PTPRT: variants seen among roughly 807,000 people sequenced by gnomAD.
PTPRT encodes protein tyrosine phosphatase receptor type T, also known as receptor-type tyrosine-protein phosphatase T.
Under a neutral mutation model 176.8 loss-of-function variants are expected in PTPRT, and 56 were observed. The observed-to-expected ratio is 0.32, with a 90% confidence interval of 0.26 to 0.40. The LOEUF (loss-of-function observed/expected upper bound fraction) is 0.40, where lower values mean the gene tolerates loss of function less well. Among genes scored for constraint, PTPRT ranks in the 10% least tolerant of loss-of-function variants. The pLI is 1.00. For missense variants in PTPRT, 1,540 were observed against 1,908.2 expected (o/e 0.81, Z 3.60); for synonymous variants, 783 against 739.0 (o/e 1.06, Z -0.96).
chr20:42,987,390 T>C (rs1002947040), intron 1 of PTPRT, among the ~76,000 whole-genome samples: 4 of 152,204 alleles, frequency 2.6e-5, no homozygotes, highest in African/African-American at 4.8e-5. Context: ...GTGGCTATGG[T>C]GGTCGGCAGT....
chr20:42,996,326 A>G (rs1984220439), intron 1 of PTPRT, among the ~76,000 whole-genome samples: 1 of 152,234 alleles, frequency 6.6e-6, no homozygotes, highest in South Asian at 2.1e-4. Context: ...GGCTCACTCC[A>G]AGCAGTTACA....
rs566160401 is a variant in PTPRT, at chr20:42,461,997, T to C, written c.1450+10269A>G. Among the ~76,000 whole-genome samples the C allele has an allele frequency of 2.1e-5, 3 of 143,566 alleles. No homozygotes were observed. The East Asian group carries it at 5.8e-4, about 28-fold the overall frequency. The allele number at this position is 143,566 out of a possible 152,430, so 94.2% of individuals were successfully genotyped here. A position where few individuals can be genotyped will look rare whatever the true frequency, so the allele number is the denominator to read the frequency against. On this transcript the variant is annotated intron_variant, in intron 8 of 30. Transcript: ENST00000373187. ...GGGGACAATTGCTGGAGCAATGACA[T>C]TGAGTTAAAAAAAAAAAAGTAAGTG...
At chr20:42,303,924 T>G (rs978036194) in intron 12 of PTPRT, among the ~76,000 whole-genome samples, 3 of 152,110 alleles carry the variant, frequency 2.0e-5, no homozygotes, top group Admixed American at 6.6e-5. Context: ...AGGAGATGAA[T>G]GAATCATTGC....
intron 5 of PTPRT, among the ~76,000 whole-genome samples, chr20:42,765,875 T>C (rs2076976111): frequency 6.6e-6 from 1 of 152,208 alleles, no homozygotes; most frequent in Non-Finnish European, 1.5e-5. Context: ...CAGTCTCTTT[T>C]GCTGAAAATT....
intron 6 of PTPRT, among the ~76,000 whole-genome samples, chr20:42,716,672 T>C (rs1368860186): frequency 2.0e-5 from 3 of 152,178 alleles, no homozygotes; most frequent in Non-Finnish European, 4.4e-5. Context: ...GATGAGTACA[T>C]TGCAAAAATT....
chr20:42,884,157 T>C (rs764189770), intron 2 of PTPRT, among the ~76,000 whole-genome samples: 10 of 152,084 alleles, frequency 6.6e-5, no homozygotes, highest in Non-Finnish European at 1.0e-4. Flanking sequence ...GTCAGCATGA[T>C]TGGGCAACAG....
intron 1 of PTPRT, among the ~76,000 whole-genome samples, chr20:43,111,161 C>T (rs1394369510): frequency 2.0e-5 from 3 of 152,080 alleles, no homozygotes; most frequent in African/African-American, 4.8e-5. Flanking sequence ...TGAGACCCTC[C>T]GTGTAGTCTG....
At chr20:42,519,468 A>G (rs1040141198) in intron 7 of PTPRT, among the ~76,000 whole-genome samples, 3 of 152,156 alleles carry the variant, frequency 2.0e-5, no homozygotes, top group Non-Finnish European at 4.4e-5. Context: ...CACAAAATAT[A>G]TAGTAGCTTT....
intron 1 of PTPRT, among the ~76,000 whole-genome samples, chr20:43,073,797 C>T (rs1053650105): frequency 5.9e-5 from 9 of 151,950 alleles, no homozygotes; most frequent in African/African-American, 1.7e-4. Flanking sequence ...CTGTTGCCTA[C>T]GCTGGAGTGC....
In PTPRT at chr20:42,756,567, C is replaced by T; in HGVS notation, c.754G>A (p.Val252Ile). Residue 252 changes from valine (V) to isoleucine (I), a missense_variant, in exon 6 of 31, where the codon GTC becomes ATC. Physicochemically the swap from Val to Ile is conservative, Grantham distance 29. Around this residue, in one of 11 missense-constraint regions of PTPRT, gnomAD observed 273 missense variants for 432.1 expected, o/e 0.63. Transcript: ENST00000373187. ...CGCTGGGCAGTGTCTGCCACACTGA[C>T]TGTGGCTGAGAAGCGCCTGTGGTTG... The part of the protein sequence containing the change: ...VVNHRRFSAT[V>I]SVADTAQRSV... The T allele has an allele frequency of 6.2e-7, 1 of 1,612,894 alleles. No homozygotes were observed. The highest frequency in any genetic ancestry group is 2.2e-5 in the East Asian group (1 of 44,846).
Position 43,106,666 on chromosome 20 carries a change from GAAAA to G in PTPRT, c.88+82976_88+82979del, listed in dbSNP as rs71193676. On this transcript the variant is annotated intron_variant, in intron 1 of 30. Coordinates refer to ENST00000373187, the MANE Select transcript of PTPRT (RefSeq NM_007050.6). ...ACAGCGAGACTCCATCTCAAAAAAAGAAAAAAAAAAAAAAAAAAAAGGAATGAAG... is the reference window on the plus strand; with the variant it reads ...ACAGCGAGACTCCATCTCAAAAAAAGAAAAAAAAAAAAAAAAGGAATGAAG... 5.7e-3 allele frequency among the ~76,000 whole-genome samples: 499 copies of G among 87,002 alleles called. 5 individuals carry two copies. Among genetic ancestry groups the G allele is most frequent in the Admixed American group, 0.014 (85 of 6,228 alleles). The allele number at this position is 87,002 out of a possible 152,430, so 57.1% of individuals were successfully genotyped here. A position where few individuals can be genotyped will look rare whatever the true frequency, so the allele number is the denominator to read the frequency against.
chr20:42,964,948 A>G (rs970725163), intron 1 of PTPRT, among the ~76,000 whole-genome samples: 1 of 152,236 alleles, frequency 6.6e-6, no homozygotes, highest in Non-Finnish European at 1.5e-5. Flanking sequence ...CTTGATTTAC[A>G]TTCTTAGTAA....
chr20:42,100,508 C>G (rs944757637), intron 26 of PTPRT, among the ~76,000 whole-genome samples: 1 of 152,110 alleles, frequency 6.6e-6, no homozygotes, highest in Admixed American at 6.6e-5. Flanking sequence ...GCCCTGTGGA[C>G]AAAGAGAATA....
At chr20:42,162,798 C>T (rs1338130554) in intron 16 of PTPRT, among the ~76,000 whole-genome samples, 1 of 152,198 alleles carries the variant, frequency 6.6e-6, no homozygotes, top group Non-Finnish European at 1.5e-5. Context: ...ATGTGCCCTT[C>T]AGCTTATTTG....
At chr20:42,102,531 C>T (rs1986045002) in intron 25 of PTPRT, among the ~76,000 whole-genome samples, 1 of 152,146 alleles carries the variant, frequency 6.6e-6, no homozygotes, top group Admixed American at 6.5e-5. Flanking sequence ...GCTGCAGAAG[C>T]AGCGCATCCA....
At chr20:42,060,747 G>T in the PTPRT span, among the ~76,000 whole-genome samples, 10 of 152,282 alleles carry the variant, frequency 6.6e-5, no homozygotes, top group Admixed American at 5.2e-4. Flanking sequence ...CCAGTCTCAG[G>T]TATGTCTTTA....
chr20:42,913,107 G>C (rs1348007153), intron 1 of PTPRT, among the ~76,000 whole-genome samples: 1 of 152,146 alleles, frequency 6.6e-6, no homozygotes, highest in Non-Finnish European at 1.5e-5. Flanking sequence ...AAATTAAAAC[G>C]ACTGTATGGA....
At chr20:42,411,857 A>G (rs1465777009) in intron 9 of PTPRT, among the ~76,000 whole-genome samples, 1 of 152,056 alleles carries the variant, frequency 6.6e-6, no homozygotes, top group African/African-American at 2.4e-5. Flanking sequence ...CAAAAAAAAA[A>G]ATAGTATCAG....
intron 19 of PTPRT, among the ~76,000 whole-genome samples, chr20:42,121,697 TTATA>T (rs3086717): frequency 0.34 from 47,386 of 140,358 alleles, 8,132 homozygotes; most frequent in African/African-American, 0.39. Flanking sequence ...AAGAAATTTT[TTATA>T]TATATATATA....
Sources: allele counts gnomAD v4.1 joint callset (sites outside exome capture counted in the v4.1 genomes callset), GRCh38; gene constraint gnomAD v4.1.1; regional missense constraint gnomAD v4.1.1; transcripts MANE v1.5; gene names NCBI Gene and HGNC (gene_info 2026-07-23, HGNC 2026-07-21).